Variants in ADCY2 observed in about 807,000 individuals in gnomAD.
ADCY2 encodes the protein adenylate cyclase type 2.
In ADCY2, 31 loss-of-function variants were observed where a neutral mutation model predicts 125.2. The ratio of observed to expected loss-of-function variants is 0.25; its 90% CI spans 0.19 to 0.33. The LOEUF (loss-of-function observed/expected upper bound fraction) is 0.33, where lower values mean the gene tolerates loss of function less well. Among genes scored for constraint, ADCY2 ranks in the 10% least tolerant of loss-of-function variants. The pLI is 1.00. For synonymous variants in ADCY2, 512 were observed against 548.4 expected, an observed-to-expected ratio of 0.93 and a Z score of 0.93; for missense variants, 904 against 1,418.2, an observed-to-expected ratio of 0.64 and a Z score of 5.82.
chr5:7,432,101 G>C (rs1403238982), intron 2 of ADCY2, among the ~76,000 whole-genome samples: 3 of 152,080 alleles, frequency 2.0e-5, no homozygotes, highest in African/African-American at 7.2e-5. Context: ...TGACTTCAGA[G>C]GGATAGCTGT....
At chr5:7,638,056 G>A (rs1353114406) in intron 4 of ADCY2, among the ~76,000 whole-genome samples, 2 of 152,240 alleles carry the variant, frequency 1.3e-5, no homozygotes, top group Non-Finnish European at 2.9e-5. Flanking sequence ...TGAGAAAGCA[G>A]CAACAGATAT....
At chr5:7,710,801 G>A (rs1205403170) in intron 10 of ADCY2, among the ~76,000 whole-genome samples, 1 of 152,198 alleles carries the variant, frequency 6.6e-6, no homozygotes, top group East Asian at 1.9e-4. Flanking sequence ...GGTCCCCGGT[G>A]AGAATGATAC....
chr5:7,710,310 G>A lies in ADCY2; in HGVS notation c.1578+923G>A, dbSNP rs1006318705. Among the ~76,000 whole-genome samples the A allele has an allele frequency of 4.6e-5, 7 of 152,140 alleles. No homozygotes were observed. In the South Asian group the frequency reaches 6.2e-4, roughly 13 times the overall value. ...TAAAAAGTAAATGTGACTATCAGAC[G>A]GAAGACCATGACCCATCAGACAATC... On this transcript the variant is annotated intron_variant, in intron 10 of 24. Transcript: ENST00000338316.
chr5:7,722,977 A>G (rs1329372635), intron 12 of ADCY2, among the ~76,000 whole-genome samples: 1 of 150,658 alleles, frequency 6.6e-6, no homozygotes, highest in Non-Finnish European at 1.5e-5. Context: ...AAAAAAAAAA[A>G]AAAAAAAAAG....
Position 7,411,672 on chromosome 5 carries a change from A to G in ADCY2, c.211-2901A>G, listed in dbSNP as rs188612088. 1.2e-4 allele frequency among the ~76,000 whole-genome samples: 19 copies of G among 152,216 alleles called. No individual in the cohort carries two copies. In the East Asian group the frequency reaches 3.5e-3, roughly 28 times the overall value. On this transcript the variant is annotated intron_variant, in intron 1 of 24. Coordinates refer to ENST00000338316, the MANE Select transcript of ADCY2 (RefSeq NM_020546.3). ...GATCTGATTTTTAAAAAAGAGAGAG[A>G]AAAAATAGAGAGTTTACAATTTAGA...
chr5:7,681,440 T>C (rs1233107993), intron 4 of ADCY2, among the ~76,000 whole-genome samples: 2 of 152,184 alleles, frequency 1.3e-5, no homozygotes, highest in African/African-American at 4.8e-5. Context: ...TGCAGAGGTG[T>C]GGACATCTGC....
intron 3 of ADCY2, among the ~76,000 whole-genome samples, chr5:7,549,514 T>C (rs1735257112): frequency 6.6e-6 from 1 of 152,174 alleles, no homozygotes; most frequent in African/African-American, 2.4e-5. Context: ...GAAAATGGGA[T>C]GGGAAGGTAT....
At chr5:7,673,090 A>G (rs1739987920) in intron 4 of ADCY2, among the ~76,000 whole-genome samples, 1 of 151,238 alleles carries the variant, frequency 6.6e-6, no homozygotes, top group African/African-American at 2.4e-5. Flanking sequence ...TCACATGCTT[A>G]AGCAAAACCG....
chr5:7,736,977 C>T (rs896627689), intron 14 of ADCY2, among the ~76,000 whole-genome samples: 1 of 152,090 alleles, frequency 6.6e-6, no homozygotes, highest in South Asian at 2.1e-4. Flanking sequence ...TTGCTCAATA[C>T]TTCTAATGAT....
chr5:7,430,518 G>T (rs1263766419), intron 2 of ADCY2, among the ~76,000 whole-genome samples: 1 of 133,228 alleles, frequency 7.5e-6, no homozygotes, highest in African/African-American at 2.8e-5. Flanking sequence ...GTTCATGTGT[G>T]TATGTATATA....
intron 3 of ADCY2, among the ~76,000 whole-genome samples, chr5:7,532,191 G>T (rs532876275): frequency 6.6e-6 from 1 of 152,338 alleles, no homozygotes; most frequent in East Asian, 1.9e-4. Context: ...CTTGCCGGAC[G>T]ATTGCAGATA....
intron 3 of ADCY2, among the ~76,000 whole-genome samples, chr5:7,551,016 C>G (rs1298897027): frequency 1.5e-5 from 2 of 134,036 alleles, no homozygotes; most frequent in African/African-American, 5.6e-5. Context: ...CTTCTTCCCT[C>G]CCTCCCTCCC....
At chr5:7,541,842 A>G (rs1735005318) in intron 3 of ADCY2, among the ~76,000 whole-genome samples, 1 of 152,242 alleles carries the variant, frequency 6.6e-6, no homozygotes, top group African/African-American at 2.4e-5. Flanking sequence ...CAAAAATAAT[A>G]AAAATACATG....
chr5:7,471,039 C>T (rs1220359289), intron 2 of ADCY2, among the ~76,000 whole-genome samples: 3 of 151,826 alleles, frequency 2.0e-5, no homozygotes, highest in East Asian at 3.9e-4. Context: ...TAATAATATT[C>T]CTCATTCCAA....
chr5:7,650,160 C>A (rs1462403792), intron 4 of ADCY2, among the ~76,000 whole-genome samples: 4 of 151,752 alleles, frequency 2.6e-5, no homozygotes, highest in Admixed American at 2.6e-4. Flanking sequence ...CTCATCTTAA[C>A]CCCAGGGAGT....
At chr5:7,441,632 A>G (rs1021850815) in intron 2 of ADCY2, among the ~76,000 whole-genome samples, 4 of 152,178 alleles carry the variant, frequency 2.6e-5, no homozygotes, top group African/African-American at 7.2e-5. Context: ...CAAAATGCTT[A>G]TATAACCACC....
At chr5:7,660,526 G>T (rs374242463) in intron 4 of ADCY2, among the ~76,000 whole-genome samples, 2 of 152,158 alleles carry the variant, frequency 1.3e-5, no homozygotes, top group African/African-American at 4.8e-5. Context: ...GCAATCACAG[G>T]TGCTGGCAAG....
chr5:7,669,946 C>T (rs146484895), intron 4 of ADCY2, among the ~76,000 whole-genome samples: 1 of 152,262 alleles, frequency 6.6e-6, no homozygotes, highest in East Asian at 1.9e-4. Flanking sequence ...TCATGTTCCT[C>T]AATGGTTTAT....
chr5:7,760,553 CA>C, intron 16 of ADCY2, among the ~76,000 whole-genome samples: 1 of 152,292 alleles, frequency 6.6e-6, no homozygotes, highest in East Asian at 1.9e-4. Flanking sequence ...CTTCACTGGC[CA>C]GTAGCAGCAC....
Sources: gnomAD v4.1 joint callset for allele counts (sites outside exome capture counted in the v4.1 genomes callset) on GRCh38, gnomAD v4.1.1 for gene constraint, MANE v1.5 for transcripts, NCBI Gene and HGNC (gene_info 2026-07-23, HGNC 2026-07-21) for gene names.